Variants in ZNF584 observed in about 807,000 individuals in gnomAD.
ZNF584 encodes the protein zinc finger protein 584.
ZNF584 carries 12 observed loss-of-function variants against 14.7 expected under a neutral mutation model. The ratio of observed to expected loss-of-function variants is 0.82; its 90% CI spans 0.52 to 1.32. The LOEUF (loss-of-function observed/expected upper bound fraction) is 1.32, where lower values mean the gene tolerates loss of function less well. Among genes scored for constraint, ZNF584 ranks in the 40% most tolerant of loss-of-function variants. The pLI is 0.00. For missense variants in ZNF584, 478 were observed against 518.8 expected (o/e 0.92, Z 0.76); for synonymous variants, 204 against 190.9 (o/e 1.07, Z -0.57).
upstream of ZNF584, chr19:58,405,271 AC>A (rs555648755): frequency 2.6e-5 from 2 of 78,104 alleles, no homozygotes; most frequent in Non-Finnish European, 5.0e-5. Context: ...CGGGGGGCTG[AC>A]CCCCCCACCT....
At chr19:58,412,432 A>G (rs2052588714) in intron 2 of ZNF584, among the ~76,000 whole-genome samples, 1 of 151,432 alleles carries the variant, frequency 6.6e-6, no homozygotes, top group Non-Finnish European at 1.5e-5. Context: ...GATGGTCTCA[A>G]TCTCCTGACC....
chr19:58,409,845 G>A, intron 1 of ZNF584, 96 bp from the exon 2 acceptor site: 1 of 1,421,188 alleles, frequency 7.0e-7, no homozygotes, highest in Non-Finnish European at 9.9e-7. Context: ...ATGTCAGGGG[G>A]AGATGTGATA....
intron 2 of ZNF584, among the ~76,000 whole-genome samples, chr19:58,413,355 T>A (rs1404788066): frequency 3.9e-5 from 6 of 151,988 alleles, no homozygotes; most frequent in East Asian, 1.9e-4. Context: ...TCTTTTTTTT[T>A]AATTTTTCTT....
intron 2 of ZNF584, among the ~76,000 whole-genome samples, chr19:58,412,182 A>G (rs895430249): frequency 2.2e-5 from 3 of 135,462 alleles, no homozygotes; most frequent in African/African-American, 8.9e-5. Context: ...GGGTTTCACC[A>G]TGTTGGCCAG....
In ZNF584 at chr19:58,417,214, C is replaced by T. The variant is rs376170668; in HGVS notation, c.696C>T (p.His232=). ...GTTACCCGTCTAAGCTGAGGAAACA[C>T]CAGAAGGTTCACACAGGCATAAAAC... ...AFSYPSKLRK[H]QKVHTGIKPF... is the part of the protein sequence containing the mutation. The change falls in exon 4 of 4, where the codon CAC becomes CAT. Residue 232 remains histidine (H), a synonymous_variant. Coordinates refer to ENST00000306910, the MANE Select transcript of ZNF584 (RefSeq NM_173548.3). The T allele has an allele frequency of 3.3e-5, 53 of 1,613,970 alleles. No individual in the cohort carries two copies. In the African/African-American group the frequency reaches 5.3e-4, roughly 16 times the overall value.
Position 58,417,162 on chromosome 19 carries a change from T to C in ZNF584, c.644T>C (p.Val215Ala). 1 of 1,613,740 alleles carries C rather than the reference T, an allele frequency of 6.2e-7. No individual in the cohort carries two copies. The highest frequency in any genetic ancestry group is 8.5e-7 in the Non-Finnish European group (1 of 1,179,696). The change falls in exon 4 of 4, where the codon GTG (valine) becomes GCG (alanine). Residue 215 changes from valine to alanine, a missense_variant. Physicochemically the swap from Val to Ala is moderately conservative, Grantham distance 64. Coordinates refer to ENST00000306910, the MANE Select transcript of ZNF584 (RefSeq NM_173548.3). ...ATTCACACTGGAGAAACAGCCCATGTGTGTAATGAATGTGGGAAGGCCTTC... is the reference window on the plus strand; with the variant it reads ...ATTCACACTGGAGAAACAGCCCATGCGTGTAATGAATGTGGGAAGGCCTTC... ...RKIHTGETAH[V>A]CNECGKAFSY...
At position 58,417,320 on chromosome 19, in the gene ZNF584, A is replaced by G. The variant is rs1230414812; in HGVS notation, c.802A>G (p.Arg268Gly). The change falls in exon 4 of 4, where the codon AGG becomes GGG. Residue 268 changes from arginine to glycine, a missense_variant. Arg to Gly is a moderately radical substitution (Grantham distance 125). Around this residue, in one of 3 missense-constraint regions of ZNF584, gnomAD observed 283 missense variants for 317.3 expected, o/e 0.89. Coordinates refer to ENST00000306910, the MANE Select transcript of ZNF584 (RefSeq NM_173548.3). The part of the protein sequence containing the change: ...VLHQRIHTGE[R>G]PYECSKCGKT... ...ACACCAGAGGATTCACACTGGAGAA[A>G]GGCCTTACGAGTGCAGCAAATGTGG... The G allele has an allele frequency of 6.2e-7, 1 of 1,614,114 alleles. No homozygotes were observed. Among genetic ancestry groups the G allele is most frequent in the African/African-American group, 1.3e-5 (1 of 74,942 alleles).
intron 1 of ZNF584, among the ~76,000 whole-genome samples, chr19:58,402,246 G>A (rs1275474121): frequency 6.8e-6 from 1 of 146,126 alleles, no homozygotes; most frequent in Non-Finnish European, 1.5e-5. Context: ...GCTTGGCGTG[G>A]CAAAGCTGGG....
chr19:58,414,784 G>T (rs2052618849), intron 2 of ZNF584, among the ~76,000 whole-genome samples: 1 of 152,112 alleles, frequency 6.6e-6, no homozygotes, highest in Admixed American at 6.5e-5. Context: ...GTTCAAGTCT[G>T]CTGTTGTTAT....
chr19:58,412,199 C>CTTTTTTTTTTTTTTTTT (rs35188048), intron 2 of ZNF584, among the ~76,000 whole-genome samples: 2 of 83,934 alleles, frequency 2.4e-5, no homozygotes, highest in African/African-American at 1.2e-4. Context: ...CCAGGGTGGT[C>CTTTTTTTTTTTTTTTTT]TTTTTTTTTT....
At chr19:58,406,667 T>G (rs1293515805), upstream of ZNF584, 1 of 152,198 alleles carries the variant, frequency 6.6e-6, no homozygotes, top group Non-Finnish European at 1.5e-5. Context: ...TGAGCCTCTT[T>G]GATAACTTTT....
In ZNF584 at chr19:58,409,146, C is replaced by T; in HGVS notation, c.-2C>T. ...GTCCACGGGTTCTGCCCGCACGGTC[C>T]AATGGCCGGGGAGGCGGAGGTGAGC... On this transcript the variant is annotated 5_prime_UTR_variant, in exon 1 of 4. Coordinates refer to ENST00000306910, the MANE Select transcript of ZNF584 (RefSeq NM_173548.3). 6.9e-7 allele frequency: 1 copy of T among 1,449,936 alleles called. No homozygotes were observed. The highest frequency in any genetic ancestry group is 9.1e-7 in the Non-Finnish European group (1 of 1,094,122). 89.8% of individuals were successfully genotyped at this position (1,449,936 alleles called of 1,614,324 possible). A position where few individuals can be genotyped will look rare whatever the true frequency, so the allele number is the denominator to read the frequency against.
At chr19:58,410,980 C>T (rs1425222575) in intron 2 of ZNF584, among the ~76,000 whole-genome samples, 1 of 150,260 alleles carries the variant, frequency 6.7e-6, no homozygotes, top group Non-Finnish European at 1.5e-5. Flanking sequence ...TTAGTAGAGA[C>T]AGGGTTTCAC....
Position 58,410,675 on chromosome 19 carries a change from G to GTATATATATATATGTATATATGTA in ZNF584, c.169+593_169+594insATATGTATATATGTATATATATAT, listed in dbSNP as rs544171240. Among the ~76,000 whole-genome samples the GTATATATATATATGTATATATGTA allele has an allele frequency of 4.1e-5, 2 of 48,890 alleles. 1 individual carries two copies. The highest frequency in any genetic ancestry group is 3.7e-4 in the African/African-American group (2 of 5,346). The allele number at this position is 48,890 out of a possible 152,430, so 32.1% of individuals were successfully genotyped here. A position where few individuals can be genotyped will look rare whatever the true frequency, so the allele number is the denominator to read the frequency against. ...TATATGTGTATATATGTATATATGT[G>GTATATATATATATGTATATATGTA]TATATATATGTATATATGTATATAT... On this transcript the variant is annotated intron_variant, in intron 2 of 3. Transcript: ENST00000306910.
chr19:58,405,434 G>A (rs550298843), upstream of ZNF584: 617 of 148,788 alleles, frequency 4.1e-3, 29 homozygotes, highest in Middle Eastern at 7.3e-3. Context: ...GCGGCTGGCC[G>A]GGCGGGGGGC....
At chr19:58,412,452 A>G (rs916768511) in intron 2 of ZNF584, among the ~76,000 whole-genome samples, 5 of 148,270 alleles carry the variant, frequency 3.4e-5, no homozygotes, top group African/African-American at 1.3e-4. Context: ...CTCATGATCC[A>G]CTCGCCTCGG....
upstream of ZNF584, chr19:58,408,425 G>C (rs1262214557): frequency 3.3e-5 from 5 of 152,228 alleles, no homozygotes; most frequent in Non-Finnish European, 7.3e-5. Flanking sequence ...CGGACCAGCG[G>C]AGACTCCTCC....
At position 58,417,230 on chromosome 19, in the gene ZNF584, G is replaced by A. The variant is rs1254293375; in HGVS notation, c.712G>A (p.Gly238Ser). Residue 238 changes from glycine (G) to serine (S), a missense_variant, in exon 4 of 4, where the codon GGC becomes AGC. Physicochemically the swap from Gly to Ser is moderately conservative, Grantham distance 56. Around this residue, in one of 3 missense-constraint regions of ZNF584, gnomAD observed 283 missense variants for 317.3 expected, o/e 0.89. Coordinates refer to ENST00000306910, the MANE Select transcript of ZNF584 (RefSeq NM_173548.3). ...KLRKHQKVHT[G>S]IKPFKCSDCG... ...GAGGAAACACCAGAAGGTTCACACA[G>A]GCATAAAACCTTTTAAGTGTAGTGA... 6.2e-7 allele frequency: 1 copy of A among 1,614,142 alleles called. No individual in the cohort carries two copies. Among genetic ancestry groups the A allele is most frequent in the Admixed American group, 1.7e-5 (1 of 60,002 alleles).
At position 58,417,522 on chromosome 19, in the gene ZNF584, A is replaced by G. The variant is rs1453721472; in HGVS notation, c.1004A>G (p.Tyr335Cys). ...PFECKQCGKG[Y>C]VTRSGLYQHW... ...GAATGCAAGCAATGTGGGAAAGGCTACGTGACCCGTTCAGGCCTCTATCAG... is the reference window on the plus strand; with the variant it reads ...GAATGCAAGCAATGTGGGAAAGGCTGCGTGACCCGTTCAGGCCTCTATCAG... Residue 335 changes from tyrosine (Y) to cysteine (C), a missense_variant, in exon 4 of 4, where the codon TAC becomes TGC. Coordinates refer to ENST00000306910, the MANE Select transcript of ZNF584 (RefSeq NM_173548.3). 1.2e-6 allele frequency: 2 copies of G among 1,614,220 alleles called. No individual in the cohort carries two copies. Among genetic ancestry groups the G allele is most frequent in the African/African-American group, 1.3e-5 (1 of 75,068 alleles).
Sources: gnomAD v4.1 joint callset for allele counts (sites outside exome capture counted in the v4.1 genomes callset) on GRCh38, gnomAD v4.1.1 for gene constraint, gnomAD v4.1.1 regional missense constraint, MANE v1.5 for transcripts, NCBI Gene and HGNC (gene_info 2026-07-23, HGNC 2026-07-21) for gene names.